Variants in PRKCA observed in about 807,000 individuals in gnomAD.
The protein encoded by PRKCA is protein kinase C alpha type.
A neutral mutation model predicts 87.0 loss-of-function variants in PRKCA; 27 were observed. The observed-to-expected ratio is 0.31, with a 90% CI of 0.23 to 0.43. The LOEUF (loss-of-function observed/expected upper bound fraction) is 0.43. Ranked by LOEUF, PRKCA falls within the 20% of genes least tolerant of loss-of-function variation. PRKCA has a pLI of 1.00. For synonymous variants in PRKCA, 329 were observed against 311.1 expected, an observed-to-expected ratio of 1.06 and a Z score of -0.61; for missense variants, 518 against 852.3, an observed-to-expected ratio of 0.61 and a Z score of 4.88.
At chr17:66,387,440 G>A (rs1418598963) in intron 2 of PRKCA, among the ~76,000 whole-genome samples, 1 of 152,210 alleles carries the variant, frequency 6.6e-6, no homozygotes, top group Admixed American at 6.5e-5. Flanking sequence ...ACAAAGTTGA[G>A]AAGGATCTGG....
chr17:66,685,555 A>G (rs191726566), intron 5 of PRKCA, among the ~76,000 whole-genome samples: 1 of 152,246 alleles, frequency 6.6e-6, no homozygotes, highest in African/African-American at 2.4e-5. Flanking sequence ...ATATAGTCCC[A>G]TCTGTTACCT....
At chr17:66,702,760 C>G (rs1369692009) in intron 8 of PRKCA, among the ~76,000 whole-genome samples, 1 of 152,102 alleles carries the variant, frequency 6.6e-6, no homozygotes, top group African/African-American at 2.4e-5. Context: ...TAAGAGATTT[C>G]ATCATGCAAA....
At chr17:66,735,418 C>A in intron 9 of PRKCA, 71 bp from the exon 10 acceptor site, 1 of 1,538,688 alleles carries the variant, frequency 6.5e-7, no homozygotes, top group Non-Finnish European at 9.0e-7. Context: ...CGTCACCTGG[C>A]CTGGTTCCTT....
chr17:66,799,736 A>G (rs941753111), intron 16 of PRKCA, among the ~76,000 whole-genome samples: 4 of 151,712 alleles, frequency 2.6e-5, no homozygotes, highest in African/African-American at 9.7e-5. Flanking sequence ...CTTGCAAAAC[A>G]AGTAGTTCAA....
chr17:66,619,548 TTGTATATGCAACA>T, intron 3 of PRKCA, among the ~76,000 whole-genome samples: 1 of 152,318 alleles, frequency 6.6e-6, no homozygotes, highest in Non-Finnish European at 1.5e-5. Flanking sequence ...TAAGGCTGGT[TTGTATATGCAACA>T]GAAGGGCATA....
At chr17:66,514,351 A>G (rs968967072) in intron 3 of PRKCA, among the ~76,000 whole-genome samples, 9 of 152,142 alleles carry the variant, frequency 5.9e-5, no homozygotes, top group African/African-American at 2.2e-4. Context: ...TGCTACATGA[A>G]TGAAACATAC....
intron 3 of PRKCA, among the ~76,000 whole-genome samples, chr17:66,525,910 C>A (rs999697707): frequency 1.3e-5 from 2 of 151,802 alleles, no homozygotes; most frequent in African/African-American, 4.8e-5. Flanking sequence ...ATTTTATAAA[C>A]AATATTTTAT....
At chr17:66,747,847 C>T (rs1036141567) in intron 13 of PRKCA, among the ~76,000 whole-genome samples, 18 of 152,214 alleles carry the variant, frequency 1.2e-4, no homozygotes, top group Non-Finnish European at 2.9e-5. Flanking sequence ...GCAAGCCCCT[C>T]CCCAGCACGT....
At chr17:66,502,259 G>C (rs1916767052) in intron 3 of PRKCA, among the ~76,000 whole-genome samples, 1 of 151,420 alleles carries the variant, frequency 6.6e-6, no homozygotes, top group Non-Finnish European at 1.5e-5. Context: ...TCTTGAGACA[G>C]AGTCTCGCTC....
At chr17:66,392,611 T>C (rs1253836742) in intron 2 of PRKCA, among the ~76,000 whole-genome samples, 1 of 152,178 alleles carries the variant, frequency 6.6e-6, no homozygotes, top group Non-Finnish European at 1.5e-5. Context: ...GATTTATTCA[T>C]GTGCAGAGGG....
chr17:66,636,568 A>T (rs1479046994), intron 3 of PRKCA, among the ~76,000 whole-genome samples: 1 of 152,182 alleles, frequency 6.6e-6, no homozygotes, highest in African/African-American at 2.4e-5. Flanking sequence ...AGCCCAGAGG[A>T]TAGGGAGTCC....
chr17:66,570,697 A>G (rs1969054920), intron 3 of PRKCA, among the ~76,000 whole-genome samples: 1 of 152,178 alleles, frequency 6.6e-6, no homozygotes, highest in South Asian at 2.1e-4. Context: ...TTAAAATTAT[A>G]TGTAATGTCT....
intron 3 of PRKCA, among the ~76,000 whole-genome samples, chr17:66,621,080 C>T (rs1598820948): frequency 6.6e-6 from 1 of 152,286 alleles, no homozygotes; most frequent in East Asian, 1.9e-4. Flanking sequence ...TAAAGAGGAA[C>T]TCAAAGTTCT....
intron 2 of PRKCA, among the ~76,000 whole-genome samples, chr17:66,368,380 ATATATATTTTTTTTTTTT>A (rs1908877876): frequency 3.3e-5 from 1 of 29,928 alleles, no homozygotes; most frequent in Admixed American, 5.2e-4. Context: ...ATATATATAT[ATATATATTTTTTTTTTTT>A]TTTTTTTTTT....
At chr17:66,717,630 G>A (rs1031186552) in intron 8 of PRKCA, among the ~76,000 whole-genome samples, 4 of 152,200 alleles carry the variant, frequency 2.6e-5, no homozygotes, top group Admixed American at 2.0e-4. Flanking sequence ...ACAGGGAAAC[G>A]TACGGGATGA....
At position 66,728,795 on chromosome 17, in the gene PRKCA, C is replaced by A. The variant is rs116957371; in HGVS notation, c.919-3893C>A. On this transcript the variant is annotated intron_variant, in intron 8 of 16. Coordinates refer to ENST00000413366, the MANE Select transcript of PRKCA (RefSeq NM_002737.3). Reference sequence around the variant, plus strand: ...GTGGTGACTTGTCAAAGGAGGAAGGCGGAATGACTGTCTGGGAATGTCAGA... The same window carrying A: ...GTGGTGACTTGTCAAAGGAGGAAGGAGGAATGACTGTCTGGGAATGTCAGA... Among the ~76,000 whole-genome samples, 325 of 152,250 alleles carry A rather than the reference C, an allele frequency of 2.1e-3. 1 individual carries two copies. The highest frequency in any genetic ancestry group is 7.0e-3 in the African/African-American group (289 of 41,536).
At chr17:66,706,645 A>C (rs573770631) in intron 8 of PRKCA, among the ~76,000 whole-genome samples, 134 of 152,170 alleles carry the variant, frequency 8.8e-4, no homozygotes, top group Non-Finnish European at 1.2e-3. Context: ...CTCAAAAAAA[A>C]AAAAAAGAGT....
In PRKCA at chr17:66,776,475, A is replaced by T. The variant is rs1028262780; in HGVS notation, c.1605+2408A>T. Among the ~76,000 whole-genome samples, 7 of 151,958 alleles carry T rather than the reference A, an allele frequency of 4.6e-5. No homozygotes were observed. In the South Asian group the frequency reaches 1.5e-3, roughly 32 times the overall value. ...CAGGCACCTGCCAACACGCTTGGCT[A>T]ATTTTTGTATTTTTAGTAAAGACGG... On this transcript the variant is annotated intron_variant, in intron 14 of 16. Transcript: ENST00000413366.
intron 5 of PRKCA, among the ~76,000 whole-genome samples, chr17:66,661,823 G>A (rs1406503507): frequency 1.3e-5 from 2 of 152,206 alleles, no homozygotes; most frequent in Non-Finnish European, 1.5e-5. Flanking sequence ...TCAGGAAGGT[G>A]GAGCTGTTTG....
Sources: allele counts gnomAD v4.1 joint callset (sites outside exome capture counted in the v4.1 genomes callset), GRCh38; gene constraint gnomAD v4.1.1; transcripts MANE v1.5; gene names NCBI Gene and HGNC (gene_info 2026-07-23, HGNC 2026-07-21).